PTPRM: variants seen among roughly 807,000 people sequenced by gnomAD.
PTPRM encodes the protein protein tyrosine phosphatase receptor type M, also known as receptor-type tyrosine-protein phosphatase mu.
PTPRM carries 47 observed loss-of-function variants against 186.7 expected under a neutral mutation model. The observed-to-expected ratio is 0.25, with a 90% CI of 0.20 to 0.32. The LOEUF (loss-of-function observed/expected upper bound fraction) is 0.32. Among genes scored for constraint, PTPRM ranks in the 10% least tolerant of loss-of-function variants. PTPRM has a pLI of 1.00. For missense variants in PTPRM, 1,494 were observed against 1,865.0 expected (o/e 0.80, Z 3.66); for synonymous variants, 668 against 674.9 (o/e 0.99, Z 0.16).
At chr18:8,370,659 T>G (rs1393843060) in intron 23 of PTPRM, among the ~76,000 whole-genome samples, 2 of 152,244 alleles carry the variant, frequency 1.3e-5, no homozygotes, top group Admixed American at 1.3e-4. Flanking sequence ...AAATACAATT[T>G]TTTAAACTTA....
At chr18:8,368,984 G>A (rs551796803) in intron 23 of PTPRM, among the ~76,000 whole-genome samples, 1 of 152,300 alleles carries the variant, frequency 6.6e-6, no homozygotes, top group South Asian at 2.1e-4. Flanking sequence ...AGCAAAAAGA[G>A]CTCACATCTA....
At chr18:7,735,812 T>G (rs2040757298) in intron 1 of PTPRM, among the ~76,000 whole-genome samples, 1 of 152,022 alleles carries the variant, frequency 6.6e-6, no homozygotes, top group Non-Finnish European at 1.5e-5. Context: ...GAACTTTGGC[T>G]TCCACAACTT....
intron 2 of PTPRM, among the ~76,000 whole-genome samples, chr18:7,841,450 C>A (rs557568825): frequency 9.2e-5 from 14 of 152,008 alleles, no homozygotes; most frequent in Admixed American, 4.6e-4. Flanking sequence ...TGCCACCACG[C>A]CAGGCTAGTT....
At chr18:8,182,943 CTA>C (rs772316326) in intron 14 of PTPRM, among the ~76,000 whole-genome samples, 4 of 152,174 alleles carry the variant, frequency 2.6e-5, no homozygotes, top group African/African-American at 4.8e-5. Flanking sequence ...GAACAGTGCT[CTA>C]TGTGCGTTTC....
intron 19 of PTPRM, among the ~76,000 whole-genome samples, chr18:8,288,216 T>C (rs2094979198): frequency 6.6e-6 from 1 of 152,180 alleles, no homozygotes; most frequent in South Asian, 2.1e-4. Flanking sequence ...ACTTCCAAAC[T>C]GATGAAATAT....
chr18:7,674,459 G>A (rs950329611), intron 1 of PTPRM, among the ~76,000 whole-genome samples: 4 of 152,118 alleles, frequency 2.6e-5, no homozygotes, highest in African/African-American at 7.2e-5. Context: ...GTGGTGTGAT[G>A]GGGAAGCATG....
At chr18:7,939,530 G>A (rs899741886) in intron 5 of PTPRM, among the ~76,000 whole-genome samples, 8 of 152,074 alleles carry the variant, frequency 5.3e-5, no homozygotes, top group African/African-American at 1.7e-4. Context: ...CTTTTTTCTA[G>A]CCTGCTCAAA....
chr18:7,729,784 T>TA (rs201161383), intron 1 of PTPRM, among the ~76,000 whole-genome samples: 47 of 152,072 alleles, frequency 3.1e-4, no homozygotes, highest in African/African-American at 9.2e-4. Context: ...CTTGAAGGAT[T>TA]AAAAAAAACT....
At chr18:8,004,036 T>G (rs1335731419) in intron 7 of PTPRM, among the ~76,000 whole-genome samples, 1 of 152,204 alleles carries the variant, frequency 6.6e-6, no homozygotes, top group Non-Finnish European at 1.5e-5. Flanking sequence ...TCCACGTCTC[T>G]GAAAGGAAAT....
chr18:8,342,061 G>A (rs1225316409), intron 22 of PTPRM, among the ~76,000 whole-genome samples: 1 of 152,154 alleles, frequency 6.6e-6, no homozygotes, highest in Non-Finnish European at 1.5e-5. Context: ...GAAGCGGCAA[G>A]GGAGAAATGA....
intron 14 of PTPRM, among the ~76,000 whole-genome samples, chr18:8,161,389 G>T (rs889045631): frequency 1.3e-5 from 2 of 152,090 alleles, no homozygotes; most frequent in Admixed American, 6.6e-5. Flanking sequence ...AACTGCCTAG[G>T]GGGGCCAGTA....
At chr18:8,119,670 T>C (rs945935625) in intron 13 of PTPRM, among the ~76,000 whole-genome samples, 23 of 152,202 alleles carry the variant, frequency 1.5e-4, no homozygotes, top group Admixed American at 1.4e-3. Flanking sequence ...AACCCTATGC[T>C]TTCCAAATTT....
At chr18:8,223,607 G>T (rs114590312) in intron 14 of PTPRM, among the ~76,000 whole-genome samples, 1 of 152,110 alleles carries the variant, frequency 6.6e-6, no homozygotes, top group Non-Finnish European at 1.5e-5. Flanking sequence ...AGCCACCAGC[G>T]CAGTCCAAAG....
Position 8,387,205 on chromosome 18 carries a change from G to A in PTPRM, c.4178G>A (p.Gly1393Asp). Residue 1393 changes from glycine (G) to aspartate (D), a missense_variant, in exon 31 of 33, where the codon GGC becomes GAC. By Grantham distance (94) the Gly-to-Asp change is moderately conservative. Transcript: ENST00000580170. ...GACAAGTGGCAAGAGGAGTACAATG[G>A]CGGGGAAGGCCGCACGGTTGTGCAC... ...QVDKWQEEYN[G>D]GEGRTVVHCL... 6.2e-7 allele frequency: 1 copy of A among 1,614,044 alleles called. No homozygotes were observed. Among genetic ancestry groups the A allele is most frequent in the Non-Finnish European group, 8.5e-7 (1 of 1,179,934 alleles).
chr18:8,005,293 C>T (rs575159729), intron 7 of PTPRM, among the ~76,000 whole-genome samples: 9 of 152,086 alleles, frequency 5.9e-5, no homozygotes, highest in South Asian at 4.1e-4. Flanking sequence ...GATTTTTATA[C>T]GTATATAACT....
chr18:8,035,639 A>G, intron 7 of PTPRM, among the ~76,000 whole-genome samples: 1 of 152,310 alleles, frequency 6.6e-6, no homozygotes, highest in Middle Eastern at 3.4e-3. Context: ...AATTGCAGAT[A>G]CGGAGGGCTG....
At chr18:8,258,125 CAG>C (rs1306422207) in intron 19 of PTPRM, among the ~76,000 whole-genome samples, 1 of 152,176 alleles carries the variant, frequency 6.6e-6, no homozygotes, top group Non-Finnish European at 1.5e-5. Context: ...ATGTTGTCAA[CAG>C]AGAGTGGTGC....
At chr18:8,313,155 C>A (rs1267738707) in intron 20 of PTPRM, among the ~76,000 whole-genome samples, 5 of 152,184 alleles carry the variant, frequency 3.3e-5, no homozygotes. Flanking sequence ...TCATTTCTCA[C>A]CCACTAACCC....
At chr18:8,040,485 G>A (rs1394754755) in intron 7 of PTPRM, among the ~76,000 whole-genome samples, 2 of 152,040 alleles carry the variant, frequency 1.3e-5, no homozygotes, top group African/African-American at 2.4e-5. Context: ...CATTGAAAGC[G>A]GTAAGATTTA....
Sources: allele counts gnomAD v4.1 joint callset (sites outside exome capture counted in the v4.1 genomes callset), GRCh38; gene constraint gnomAD v4.1.1; transcripts MANE v1.5; gene names NCBI Gene and HGNC (gene_info 2026-07-23, HGNC 2026-07-21).